HOOK1: variants seen among roughly 807,000 people sequenced by gnomAD.
HOOK1 encodes hook microtubule tethering protein 1.
Under a neutral mutation model 112.8 loss-of-function variants are expected in HOOK1, and 60 were observed. That is an observed-to-expected ratio of 0.53 (90% CI 0.43 to 0.66). The LOEUF (loss-of-function observed/expected upper bound fraction) is 0.66. Among genes scored for constraint, HOOK1 ranks in the 30% least tolerant of loss-of-function variants. The pLI is 0.00. For missense variants in HOOK1, 770 were observed against 856.0 expected, an observed-to-expected ratio of 0.90 and a Z score of 1.25; for synonymous variants, 294 against 283.8, an observed-to-expected ratio of 1.04 and a Z score of -0.36.
At chr1:59,833,160 G>C (rs2102020609) in intron 4 of HOOK1, among the ~76,000 whole-genome samples, 1 of 152,164 alleles carries the variant, frequency 6.6e-6, no homozygotes, top group Non-Finnish European at 1.5e-5. Context: ...TCTTCTCTCT[G>C]ACAGTGAAAT....
At chr1:59,833,721 T>C (rs1574186899) in intron 5 of HOOK1, among the ~76,000 whole-genome samples, 184 bp downstream of exon 5, 1 of 152,328 alleles carries the variant, frequency 6.6e-6, no homozygotes, top group East Asian at 1.9e-4. Flanking sequence ...GTCCTATTTG[T>C]ACCTGGATTC....
chr1:59,827,152 C>G (rs2098390598), intron 2 of HOOK1, among the ~76,000 whole-genome samples: 1 of 152,148 alleles, frequency 6.6e-6, no homozygotes, highest in African/African-American at 2.4e-5. Flanking sequence ...GCTAGAGACT[C>G]AAAGGGCAGC....
At chr1:59,847,285 T>G in intron 10 of HOOK1, 100 bp downstream of exon 10, 2 of 992,798 alleles carry the variant, frequency 2.0e-6, no homozygotes, top group Non-Finnish European at 3.0e-6. Flanking sequence ...ATTATTCCTG[T>G]ATATCAAGTA....
intron 16 of HOOK1, 125 bp from the exon 17 acceptor site, chr1:59,864,507 A>G (rs960293846): frequency 2.3e-5 from 14 of 618,608 alleles, no homozygotes; most frequent in Admixed American, 6.6e-5. Flanking sequence ...TGGAAATACA[A>G]ATTTTAAAAA....
chr1:59,832,961 GA>G (rs1214056130), intron 4 of HOOK1, among the ~76,000 whole-genome samples: 2 of 151,728 alleles, frequency 1.3e-5, no homozygotes, highest in Admixed American at 1.3e-4. Context: ...ATAAGACCAG[GA>G]AAAAAAATTA....
chr1:59,855,994 T>A (rs1335533376), intron 12 of HOOK1, among the ~76,000 whole-genome samples: 7 of 128,016 alleles, frequency 5.5e-5, no homozygotes, highest in South Asian at 2.5e-4. Flanking sequence ...ATTTTTTTTT[T>A]TTTTTTTTTT....
chr1:59,861,792 C>T (rs923151787), intron 15 of HOOK1, among the ~76,000 whole-genome samples: 2 of 152,098 alleles, frequency 1.3e-5, no homozygotes, highest in East Asian at 1.9e-4. Flanking sequence ...TTTATTTAAC[C>T]TTTATTGAAT....
intron 10 of HOOK1, among the ~76,000 whole-genome samples, chr1:59,847,702 T>C (rs2098404794): frequency 6.6e-6 from 1 of 151,712 alleles, no homozygotes; most frequent in African/African-American, 2.4e-5. Context: ...TCTTTATTTT[T>C]TTTGTTAATT....
chr1:59,864,294 T>A (rs181698685), intron 16 of HOOK1, among the ~76,000 whole-genome samples: 262 of 152,098 alleles, frequency 1.7e-3, no homozygotes, highest in African/African-American at 5.8e-3. Context: ...TTAAAATATT[T>A]TAATGTTTGA....
intron 5 of HOOK1, among the ~76,000 whole-genome samples, chr1:59,834,296 C>G (rs1297285855): frequency 6.6e-6 from 1 of 152,068 alleles, no homozygotes; most frequent in Non-Finnish European, 1.5e-5. Context: ...GGAAAACATT[C>G]AACATTGTCT....
chr1:59,835,298 T>C (rs1341468471), intron 5 of HOOK1, 47 bp from the exon 6 acceptor site: 14 of 992,664 alleles, frequency 1.4e-5, no homozygotes, highest in South Asian at 3.9e-5. Context: ...TAAGGTACTA[T>C]GTGTAAAGAG....
At chr1:59,841,405 G>A (rs1278391197) in intron 8 of HOOK1, among the ~76,000 whole-genome samples, 8 of 152,068 alleles carry the variant, frequency 5.3e-5, no homozygotes, top group African/African-American at 1.9e-4. Context: ...TAACCCTTAA[G>A]CATTTGGAAA....
rs768604607 is a variant in HOOK1 at position 59,830,886 on chromosome 1, AT to A, written c.223-1266del. On this transcript the variant is annotated intron_variant, in intron 3 of 21. Coordinates refer to ENST00000371208, the MANE Select transcript of HOOK1 (RefSeq NM_015888.6). ...TTATGAATTTTATTATTGAATGCTG[AT>A]TTTTTTTTTTAAGTTTTTTTTTTTT... Among the ~76,000 whole-genome samples the A allele has an allele frequency of 2.5e-3, 352 of 139,312 alleles. 3 individuals are homozygous for A. Among genetic ancestry groups the A allele is most frequent in the Non-Finnish European group, 3.2e-3 (204 of 63,696 alleles). 91.4% of individuals were successfully genotyped at this position (139,312 alleles called of 152,430 possible).
chr1:59,842,241 A>G (rs1257939205), intron 8 of HOOK1, among the ~76,000 whole-genome samples: 1 of 152,030 alleles, frequency 6.6e-6, no homozygotes, highest in Non-Finnish European at 1.5e-5. Context: ...CCCTTACCCT[A>G]TAGTGTACTT....
chr1:59,844,418 G>A (rs748488203), intron 9 of HOOK1, among the ~76,000 whole-genome samples: 26 of 151,654 alleles, frequency 1.7e-4, no homozygotes, highest in Admixed American at 4.6e-4. Flanking sequence ...ATTAAAATTG[G>A]GATCTTTTTC....
At chr1:59,828,926 G>A in intron 3 of HOOK1, 74 bp downstream of exon 3, 1 of 1,191,736 alleles carries the variant, frequency 8.4e-7, no homozygotes, top group Non-Finnish European at 1.2e-6. Flanking sequence ...AACCAAATCT[G>A]TTTTTCAAAT....
rs1463892126 is a variant in HOOK1 at position 59,875,861 on chromosome 1, TAAAG to T, written c.*2897_*2900del. 1.3e-5 allele frequency: 2 copies of T among 152,278 alleles called. No individual in the cohort carries two copies. The highest frequency in any genetic ancestry group is 2.4e-5 in the African/African-American group (1 of 41,464). 9.4% of individuals were successfully genotyped at this position (152,278 alleles called of 1,614,324 possible). Reference sequence around the variant, plus strand: ...TTAATGACATCTTTTTTAGAAATATTAAAGTGAGTATTCCTCATTATGTCATCAT... The same window carrying T: ...TTAATGACATCTTTTTTAGAAATATTTGAGTATTCCTCATTATGTCATCAT... On this transcript the variant is annotated 3_prime_UTR_variant, in exon 22 of 22. Transcript: ENST00000371208.
intron 16 of HOOK1, chr1:59,863,799 T>G: frequency 2.1e-6 from 2 of 938,832 alleles, no homozygotes; most frequent in South Asian, 9.8e-5. Flanking sequence ...TTTTCTTTTT[T>G]TTTTCCCTGG....
At position 59,835,366 on chromosome 1, in the gene HOOK1, C is replaced by T; in HGVS notation, c.428C>T (p.Thr143Ile). The change falls in exon 6 of 22, where the codon ACA (threonine) becomes ATA (isoleucine). Residue 143 changes from threonine to isoleucine, a missense_variant. Physicochemically the swap from Thr to Ile is moderately conservative, Grantham distance 89. Around this residue, in one of 3 missense-constraint regions of HOOK1, gnomAD observed 655 missense variants for 725.9 expected, o/e 0.90. Transcript: ENST00000371208. Reference protein sequence around the residue: ...KKQEHIQNIMTLEESVQHVVM... With the variant: ...KKQEHIQNIMILEESVQHVVM... ...ATAGAACATATTCAAAATATAATGA[C>T]ACTGGAAGAGTCTGTTCAACATGTG... 6.3e-7 allele frequency: 1 copy of T among 1,586,162 alleles called. No individual in the cohort carries two copies. The highest frequency in any genetic ancestry group is 8.7e-7 in the Non-Finnish European group (1 of 1,156,002).
Sources: gnomAD v4.1 joint callset for allele counts (sites outside exome capture counted in the v4.1 genomes callset) on GRCh38, gnomAD v4.1.1 for gene constraint, gnomAD v4.1.1 regional missense constraint, MANE v1.5 for transcripts, NCBI Gene and HGNC (gene_info 2026-07-23, HGNC 2026-07-21) for gene names.